The following ASCC2 variants were observed in gnomAD, a reference collection of about 807,000 sequenced individuals.
ASCC2 encodes ASC-1 complex subunit P100.
In ASCC2, 42 loss-of-function variants were observed where a neutral mutation model predicts 93.5. The ratio of observed to expected loss-of-function variants is 0.45; its 90% CI spans 0.35 to 0.58. The LOEUF (loss-of-function observed/expected upper bound fraction) is 0.58, where lower values mean the gene tolerates loss of function less well. Among genes scored for constraint, ASCC2 ranks in the 20% least tolerant of loss-of-function variants. ASCC2 has a pLI of 0.00. For missense variants in ASCC2, 859 were observed against 977.6 expected (o/e 0.88, Z 1.62); for synonymous variants, 364 against 384.2 (o/e 0.95, Z 0.62).
At position 29,825,097 on chromosome 22, in the gene ASCC2, T is replaced by C; in HGVS notation, c.401A>G (p.Lys134Arg). The change falls in exon 4 of 20, where the codon AAG becomes AGG. Residue 134 changes from lysine (K) to arginine (R), a missense_variant. Physicochemically the swap from Lys to Arg is conservative, Grantham distance 26 (BLOSUM62 2). Coordinates refer to ENST00000307790, the MANE Select transcript of ASCC2 (RefSeq NM_032204.5). The surrounding 1 kb of genome is among the most constrained non-coding windows in gnomAD (Gnocchi z 4.9). Reference sequence around the variant, plus strand: ...GGATCAGTGGCTTACTTTGGATTCCTTGTGAGTGGACATGCGGAGGAAGGT... The same window carrying C: ...GGATCAGTGGCTTACTTTGGATTCCCTGTGAGTGGACATGCGGAGGAAGGT... ...FLTFLRMSTH[K>R]ESKDHFISPS... 6.7e-7 allele frequency: 1 copy of C among 1,497,458 alleles called. No individual in the cohort carries two copies. Among genetic ancestry groups the C allele is most frequent in the East Asian group, 2.5e-5 (1 of 40,650 alleles). 92.8% of individuals were successfully genotyped at this position (1,497,458 alleles called of 1,614,324 possible). A position where few individuals can be genotyped will look rare whatever the true frequency, so the allele number is the denominator to read the frequency against.
In ASCC2 at chr22:29,808,221, T is replaced by C. The variant is rs367684290; in HGVS notation, c.834-36A>G. On this transcript the variant is annotated intron_variant, in intron 8 of 19. Transcript: ENST00000307790. ...ACACACAGGGAAAATGTTGGATTAG[T>C]TCATAAATACCACACTTCATAAGAA... 3.3e-5 allele frequency: 52 copies of C among 1,599,756 alleles called. 1 individual carries two copies. The highest frequency in any genetic ancestry group is 4.3e-5 in the Non-Finnish European group (50 of 1,167,596).
intron 2 of ASCC2, among the ~76,000 whole-genome samples, chr22:29,828,462 G>C (rs920070939): frequency 6.6e-6 from 1 of 152,158 alleles, no homozygotes; most frequent in Non-Finnish European, 1.5e-5. Context: ...ACTTTCCCAA[G>C]GTCATGGGAT....
intron 18 of ASCC2, among the ~76,000 whole-genome samples, chr22:29,790,808 G>A (rs1045314735): frequency 6.6e-6 from 1 of 152,196 alleles, no homozygotes; most frequent in Non-Finnish European, 1.5e-5. Flanking sequence ...CTGGTAGAGT[G>A]GATAGACCAT....
At chr22:29,791,041 T>C (rs1290670332) in intron 18 of ASCC2, among the ~76,000 whole-genome samples, 1 of 151,674 alleles carries the variant, frequency 6.6e-6, no homozygotes, top group South Asian at 2.1e-4. Flanking sequence ...AACTGGGACC[T>C]AGGGACCACA....
chr22:29,789,082 C>A lies in ASCC2; in HGVS notation c.2205G>T (p.Ala735=), dbSNP rs6006255. Residue 735 remains alanine (A), a synonymous_variant, in exon 20 of 20, where the codon GCG becomes GCT. Transcript: ENST00000307790. ...QERRKKEANK[A]TRANHNRRTM... Reference sequence around the variant, plus strand: ...TTCTCCGGTTGTGGTTGGCTCTTGTCGCCTTGTTGGCTTCCTTCTTCCTGC... The same window carrying A: ...TTCTCCGGTTGTGGTTGGCTCTTGTAGCCTTGTTGGCTTCCTTCTTCCTGC... 2 of 1,614,190 alleles carry A rather than the reference C, an allele frequency of 1.2e-6. No individual in the cohort carries two copies. The highest frequency in any genetic ancestry group is 1.3e-5 in the African/African-American group (1 of 75,058).
chr22:29,813,248 C>G (rs1246027007), intron 8 of ASCC2, among the ~76,000 whole-genome samples, 182 bp downstream of exon 8: 1 of 152,108 alleles, frequency 6.6e-6, no homozygotes, highest in Non-Finnish European at 1.5e-5. Context: ...AGGAGTGCTT[C>G]TAAAATGCAG....
Position 29,788,967 on chromosome 22 carries a change from T to C in ASCC2, c.*46A>G, listed in dbSNP as rs1195767635. 6.2e-7 allele frequency: 1 copy of C among 1,612,040 alleles called. No individual in the cohort carries two copies. Among genetic ancestry groups the C allele is most frequent in the Non-Finnish European group, 8.5e-7 (1 of 1,178,354 alleles). ...GGCCCCAGGCGATGGGAGCACGGCC[T>C]GGTGAGTCTGGTGCCGCTGCCTCCC... On this transcript the variant is annotated 3_prime_UTR_variant, in exon 20 of 20. Coordinates refer to ENST00000307790, the MANE Select transcript of ASCC2 (RefSeq NM_032204.5).
At chr22:29,831,004 A>G (rs924874866) in intron 2 of ASCC2, among the ~76,000 whole-genome samples, 5 of 152,218 alleles carry the variant, frequency 3.3e-5, no homozygotes, top group East Asian at 1.9e-4. Flanking sequence ...ACTTTCTGCA[A>G]TAATATAACT....
At chr22:29,818,057 G>A (rs991747722) in intron 5 of ASCC2, among the ~76,000 whole-genome samples, 2 of 151,600 alleles carry the variant, frequency 1.3e-5, no homozygotes, top group Non-Finnish European at 2.9e-5. Flanking sequence ...ATTAGGTGGG[G>A]GATTGGGATA....
In ASCC2 at chr22:29,804,720, T is replaced by C. The variant is rs2059481832; in HGVS notation, c.1271A>G (p.Asn424Ser). 6 of 1,613,982 alleles carry C rather than the reference T, an allele frequency of 3.7e-6. No homozygotes were observed. The highest frequency in any genetic ancestry group is 1.3e-5 in the African/African-American group (1 of 74,890). ...CACCGTGACCCCGTTAGGCTCCCCATTAGGCTCCTCAATCACCGATGGGTC... is the reference window on the plus strand; with the variant it reads ...CACCGTGACCCCGTTAGGCTCCCCACTAGGCTCCTCAATCACCGATGGGTC... ...AKDPSVIEEP[N>S]GEPNGVTVTA... The change falls in exon 13 of 20, where the codon AAT becomes AGT. Residue 424 changes from asparagine (N) to serine (S), a missense_variant. Transcript: ENST00000307790.
intron 1 of ASCC2, 140 bp downstream of exon 1, chr22:29,838,038 C>A: frequency 2.6e-6 from 1 of 391,536 alleles, no homozygotes. Context: ...CGAGAGGCGG[C>A]TCACAACCCC....
chr22:29,824,608 C>T (rs1024891668), intron 4 of ASCC2, among the ~76,000 whole-genome samples: 2 of 151,954 alleles, frequency 1.3e-5, no homozygotes, highest in African/African-American at 2.4e-5. Flanking sequence ...GAGTGACACC[C>T]TGTCTCAAAA....
At chr22:29,830,648 A>G (rs1476287155) in intron 2 of ASCC2, among the ~76,000 whole-genome samples, 1 of 152,292 alleles carries the variant, frequency 6.6e-6, no homozygotes, top group East Asian at 1.9e-4. Context: ...GGAACAGCCT[A>G]GACTTCCTTC....
chr22:29,831,225 A>C (rs936026893), intron 2 of ASCC2, among the ~76,000 whole-genome samples: 1 of 152,200 alleles, frequency 6.6e-6, no homozygotes, highest in Non-Finnish European at 1.5e-5. Context: ...ACACATAAAA[A>C]GGTTATAAAA....
At chr22:29,809,595 C>T (rs1404792197) in intron 8 of ASCC2, among the ~76,000 whole-genome samples, 1 of 151,936 alleles carries the variant, frequency 6.6e-6, no homozygotes, top group Non-Finnish European at 1.5e-5. Context: ...GCCTGGCCAA[C>T]ATGGGAAACT....
chr22:29,807,915 C>T (rs1185818892), intron 9 of ASCC2, among the ~76,000 whole-genome samples, 196 bp downstream of exon 9: 1 of 151,060 alleles, frequency 6.6e-6, no homozygotes, highest in Non-Finnish European at 1.5e-5. Context: ...TCTCAAACAA[C>T]AACAACAACA....
In ASCC2 at chr22:29,797,744, C is replaced by T. The variant is rs1293332690; in HGVS notation, c.1688+3247G>A. On this transcript the variant is annotated intron_variant, in intron 15 of 19. Coordinates refer to ENST00000307790, the MANE Select transcript of ASCC2 (RefSeq NM_032204.5). ...CTCCCCAAAAGGCAGACCAAGGGCACAGACACTTAAAATAAAATTTTAATT... is the reference window on the plus strand; with the variant it reads ...CTCCCCAAAAGGCAGACCAAGGGCATAGACACTTAAAATAAAATTTTAATT... Among the ~76,000 whole-genome samples, 4 of 152,222 alleles carry T rather than the reference C, an allele frequency of 2.6e-5. No homozygotes were observed. In the East Asian group the frequency reaches 7.7e-4, roughly 29 times the overall value.
intron 4 of ASCC2, 78 bp from the exon 5 acceptor site, chr22:29,822,542 G>A (rs989018488): frequency 1.0e-5 from 16 of 1,535,292 alleles, no homozygotes; most frequent in African/African-American, 1.4e-5. Flanking sequence ...CATGAGAAAC[G>A]ATCTTTGGTT....
chr22:29,798,903 T>C (rs983626004), intron 15 of ASCC2, among the ~76,000 whole-genome samples: 1 of 152,258 alleles, frequency 6.6e-6, no homozygotes, highest in Admixed American at 6.5e-5. Flanking sequence ...ATGGAGGCTT[T>C]GCCTCTTTGC....
Sources: gnomAD v4.1 joint callset for allele counts (sites outside exome capture counted in the v4.1 genomes callset) on GRCh38, gnomAD v4.1.1 for gene constraint, Gnocchi (gnomAD v3.1) non-coding constraint, MANE v1.5 for transcripts, NCBI Gene and HGNC (gene_info 2026-07-23, HGNC 2026-07-21) for gene names.